The following AKNA variants were observed in gnomAD, a reference collection of about 807,000 sequenced individuals.
The protein encoded by AKNA is microtubule organization protein AKNA.
A neutral mutation model predicts 138.8 loss-of-function variants in AKNA; 67 were observed. That is an observed-to-expected ratio of 0.48 (90% CI 0.40 to 0.59). The LOEUF is 0.59. AKNA is among the 20% of genes least tolerant of loss of function. The probability of loss-of-function intolerance (pLI) is 0.00; values close to 1 mark genes in which losing one functional copy is unlikely to be tolerated. For missense variants in AKNA, 1,813 were observed against 1,880.4 expected, an observed-to-expected ratio of 0.96 and a Z score of 0.66; for synonymous variants, 737 against 754.4, an observed-to-expected ratio of 0.98 and a Z score of 0.38.
chr9:114,355,004 A>G (rs896411075), intron 14 of AKNA, among the ~76,000 whole-genome samples: 2 of 149,820 alleles, frequency 1.3e-5, no homozygotes, highest in Non-Finnish European at 3.0e-5. Context: ...CCTCCTGAGT[A>G]GCTGGGATTA....
chr9:114,351,865 A>G (rs995361494), intron 14 of AKNA, among the ~76,000 whole-genome samples: 2 of 152,052 alleles, frequency 1.3e-5, no homozygotes, highest in East Asian at 3.9e-4. Flanking sequence ...AAATAAAAGC[A>G]ATGAAACCCT....
chr9:114,346,069 G>C (rs1485676006), intron 17 of AKNA, 60 bp from the exon 18 acceptor site: 3 of 1,549,730 alleles, frequency 1.9e-6, no homozygotes, highest in Admixed American at 1.7e-5. Flanking sequence ...ATTTCTCAAG[G>C]AGTGGGTATG....
intron 8 of AKNA, 128 bp downstream of exon 8, chr9:114,362,278 A>G (rs1340757350): frequency 7.3e-7 from 1 of 1,369,676 alleles, no homozygotes; most frequent in South Asian, 1.5e-5. Context: ...ATGTATACTA[A>G]TTAGGATAAG....
chr9:114,350,025 G>A (rs1383073591), intron 15 of AKNA, among the ~76,000 whole-genome samples: 1 of 152,154 alleles, frequency 6.6e-6, no homozygotes, highest in Non-Finnish European at 1.5e-5. Flanking sequence ...CACAATGGAG[G>A]GCACTACTGC....
chr9:114,383,231 G>T, intron 1 of AKNA: 1 of 455,970 alleles, frequency 2.2e-6, no homozygotes, highest in South Asian at 1.5e-5. Flanking sequence ...CAGGAACAGG[G>T]TAGCCAGAGA....
chr9:114,344,139 C>G, intron 18 of AKNA: 1 of 238,278 alleles, frequency 4.2e-6, no homozygotes, highest in South Asian at 5.7e-5. Context: ...GATTTGAAAG[C>G]AGGCCAGGAA....
intron 19 of AKNA, 46 bp from the exon 20 acceptor site, chr9:114,342,171 A>G: frequency 7.1e-7 from 1 of 1,413,448 alleles, no homozygotes; most frequent in East Asian, 2.4e-5. Flanking sequence ...CATCTAAATC[A>G]TCAGATCAGG....
At chr9:114,364,026 A>AT (rs1343961241) in intron 7 of AKNA, among the ~76,000 whole-genome samples, 7 of 151,788 alleles carry the variant, frequency 4.6e-5, no homozygotes, top group Admixed American at 2.6e-4. Context: ...TCCAGCCCCC[A>AT]CTTTTTTTAA....
At chr9:114,358,514 T>C (rs1431565084) in intron 11 of AKNA, among the ~76,000 whole-genome samples, 1 of 152,192 alleles carries the variant, frequency 6.6e-6, no homozygotes, top group Non-Finnish European at 1.5e-5. Context: ...TTTAGATCAC[T>C]ATTCAAAACA....
At chr9:114,339,283 G>C (rs751817629) in intron 21 of AKNA, among the ~76,000 whole-genome samples, 1 of 152,142 alleles carries the variant, frequency 6.6e-6, no homozygotes, top group East Asian at 1.9e-4. Flanking sequence ...TGCCCAGCAG[G>C]GGGCAGCACA....
intron 15 of AKNA, among the ~76,000 whole-genome samples, chr9:114,349,192 C>T (rs1338830393): frequency 6.6e-6 from 1 of 152,224 alleles, no homozygotes; most frequent in African/African-American, 2.4e-5. Context: ...AAAAAAAAGA[C>T]TTACCAGGCC....
Position 114,377,490 on chromosome 9 carries a change from T to C in AKNA, c.317A>G (p.Glu106Gly), listed in dbSNP as rs775125597. Reference protein sequence around the residue: ...EDVDSPASSHEPLAWLPQQGR... With the variant: ...EDVDSPASSHGPLAWLPQQGR... ...CTGCTGGGGGAGCCAGGCAAGAGGC[T>C]CATGGGAACTTGCTGGGCTGTCCAC... Residue 106 changes from glutamate (E) to glycine (G), a missense_variant, in exon 3 of 22, where the codon GAG becomes GGG. By Grantham distance (98) the Glu-to-Gly change is moderately conservative. Coordinates refer to ENST00000374088, the MANE Select transcript of AKNA (RefSeq NM_001317950.2). The C allele has an allele frequency of 3.7e-6, 6 of 1,612,052 alleles. No individual in the cohort carries two copies. Among genetic ancestry groups the C allele is most frequent in the Non-Finnish European group, 4.2e-6 (5 of 1,179,092 alleles).
In AKNA at chr9:114,368,549, G is replaced by A. The variant is rs778221993; in HGVS notation, c.1463C>T (p.Thr488Met). 2.7e-5 allele frequency: 38 copies of A among 1,397,032 alleles called. No homozygotes were observed. The East Asian group carries it at 4.9e-4, about 18-fold the overall frequency. The allele number at this position is 1,397,032 out of a possible 1,614,324, so 86.5% of individuals were successfully genotyped here. A position where few individuals can be genotyped will look rare whatever the true frequency, so the allele number is the denominator to read the frequency against. ...DPPQPNHSIHTGMVPQGTKVL... is the reference protein window; with the variant it reads ...DPPQPNHSIHMGMVPQGTKVL... ...CTTGGTCCCCTGGGGCACCATTCCC[G>A]TGTGGATGCTGTGGTTGGGCTGGGG... The change falls in exon 5 of 22, where the codon ACG (threonine) becomes ATG (methionine). Residue 488 changes from threonine to methionine, a missense_variant. Coordinates refer to ENST00000374088, the MANE Select transcript of AKNA (RefSeq NM_001317950.2).
chr9:114,359,742 C>A lies in AKNA; in HGVS notation c.2344G>T (p.Glu782Ter). Residue 782 changes from glutamate to a stop codon, truncating the protein, a stop_gained, in exon 11 of 22, where the codon GAA becomes TAA. Transcript: ENST00000374088. LOFTEE classifies it high-confidence loss of function. ...TCTTCCTCCTCCTCCTCCTCTCCTT[C>A]TTCCTCCTCCTCCATTCTCATGGCT... is the stretch of plus-strand genomic sequence containing the variant. ...PEAMRMEEEE[E>*]GEEEEEEEGG... 2 of 1,604,570 alleles carry A rather than the reference C, an allele frequency of 1.2e-6. No individual in the cohort carries two copies. Among genetic ancestry groups the A allele is most frequent in the East Asian group, 4.5e-5 (2 of 44,842 alleles).
chr9:114,384,171 T>G (rs1329793095), intron 1 of AKNA, among the ~76,000 whole-genome samples: 1 of 152,228 alleles, frequency 6.6e-6, no homozygotes, highest in East Asian at 1.9e-4. Flanking sequence ...CAATATTTTT[T>G]TAATCACACA....
At chr9:114,397,112 G>A (rs779955577), upstream of AKNA, among the ~76,000 whole-genome samples, 1 of 152,174 alleles carries the variant, frequency 6.6e-6, no homozygotes, top group Non-Finnish European at 1.5e-5. Flanking sequence ...ATGCAAACCG[G>A]CTGGACTTTA....
At chr9:114,342,199 TCTG>T (rs2131788125) in intron 19 of AKNA, 74 bp from the exon 20 acceptor site, 26 of 1,112,772 alleles carry the variant, frequency 2.3e-5, no homozygotes, top group Non-Finnish European at 3.2e-5. Context: ...ATGCAGGCCT[TCTG>T]CAGCACTGAG....
chr9:114,381,228 T>C lies in AKNA; in HGVS notation c.106A>G (p.Ser36Gly). The C allele has an allele frequency of 3.1e-6, 5 of 1,614,180 alleles. No individual in the cohort carries two copies. Among genetic ancestry groups the C allele is most frequent in the Non-Finnish European group, 4.2e-6 (5 of 1,180,004 alleles). The change falls in exon 2 of 22, where the codon AGT becomes GGT. Residue 36 changes from serine to glycine, a missense_variant. Transcript: ENST00000374088. Reference sequence around the variant, plus strand: ...TCTTCTTCCCAGCTTTGTGAACTACTTCTATCCACATCCCTCTTGTCCTCG... The same window carrying C: ...TCTTCTTCCCAGCTTTGTGAACTACCTCTATCCACATCCCTCTTGTCCTCG... ...WAEDKRDVDR[S>G]SSQSWEEERL...
chr9:114,369,729 TACC>T (rs1175016569), intron 4 of AKNA, among the ~76,000 whole-genome samples: 5 of 151,918 alleles, frequency 3.3e-5, no homozygotes, highest in East Asian at 3.9e-4. Context: ...CCACTGTCAT[TACC>T]ACCACCATCA....
Sources: gnomAD v4.1 joint callset for allele counts (sites outside exome capture counted in the v4.1 genomes callset) on GRCh38, gnomAD v4.1.1 for gene constraint, MANE v1.5 for transcripts, NCBI Gene and HGNC (gene_info 2026-07-23, HGNC 2026-07-21) for gene names.